ASIC2: variants seen among roughly 807,000 people sequenced by gnomAD.
ASIC2 encodes the protein acid sensing ion channel subunit 2, also known as acid-sensing ion channel 2.
Under a neutral mutation model 57.3 loss-of-function variants are expected in ASIC2, and 25 were observed. That is an observed-to-expected ratio of 0.44 (90% confidence interval 0.32 to 0.61). The LOEUF (loss-of-function observed/expected upper bound fraction) is 0.61, where lower values mean the gene tolerates loss of function less well. Among genes scored for constraint, ASIC2 ranks in the 20% least tolerant of loss-of-function variants. The pLI is 0.06. For synonymous variants in ASIC2, 319 were observed against 307.5 expected (o/e 1.04, Z -0.39); for missense variants, 641 against 738.1 (o/e 0.87, Z 1.52).
Position 33,520,321 on chromosome 17 carries a change from C to T in ASIC2, c.556-408254G>A, listed in dbSNP as rs77056454. ...AGTGGGGAAGCATGAAAATCACTCG[C>T]GAATTCATTCTTGTGTCTGCACCTG... On this transcript the variant is annotated intron_variant, in intron 1 of 9. Coordinates refer to the ASIC2 transcript ENST00000359872. Among the ~76,000 whole-genome samples the T allele has an allele frequency of 6.6e-5, 10 of 152,336 alleles. No individual in the cohort carries two copies. The East Asian group carries it at 9.7e-4, about 15-fold the overall frequency.
At chr17:33,552,667 C>G (rs1915788069) in intron 1 of ASIC2, among the ~76,000 whole-genome samples, 1 of 152,208 alleles carries the variant, frequency 6.6e-6, no homozygotes, top group African/African-American at 2.4e-5. Flanking sequence ...AACATCTCTT[C>G]TTGTTCATCA....
At chr17:33,724,169 G>T (rs568835918) in intron 1 of ASIC2, among the ~76,000 whole-genome samples, 2 of 152,068 alleles carry the variant, frequency 1.3e-5, no homozygotes, top group Non-Finnish European at 2.9e-5. Context: ...CTCTCTTGCC[G>T]GCTGCCATAT....
At chr17:33,357,380 T>C (rs1036025043) in intron 1 of ASIC2, among the ~76,000 whole-genome samples, 7 of 152,170 alleles carry the variant, frequency 4.6e-5, no homozygotes, top group African/African-American at 1.7e-4. Flanking sequence ...GGTAATAGAA[T>C]CTAAGTCTTC....
chr17:33,357,850 C>T (rs1199045933), intron 1 of ASIC2, among the ~76,000 whole-genome samples: 1 of 152,200 alleles, frequency 6.6e-6, no homozygotes, highest in East Asian at 1.9e-4. Context: ...CTAACCTGCT[C>T]TAATTAATAT....
intron 8 of ASIC2, among the ~76,000 whole-genome samples, chr17:33,017,260 C>T (rs1051799690): frequency 2.6e-5 from 4 of 152,186 alleles, no homozygotes; most frequent in African/African-American, 9.6e-5. Context: ...GAAGCCACCA[C>T]CTCCAGCCCA....
At chr17:33,375,034 GT>G (rs1909226370) in intron 1 of ASIC2, among the ~76,000 whole-genome samples, 1 of 152,112 alleles carries the variant, frequency 6.6e-6, no homozygotes. Context: ...AGAAATCTGA[GT>G]TTTTAAAATG....
intron 1 of ASIC2, among the ~76,000 whole-genome samples, chr17:33,463,136 C>T (rs146985773): frequency 1.8e-4 from 28 of 152,262 alleles, no homozygotes; most frequent in African/African-American, 6.3e-4. Context: ...GATTGTGGAT[C>T]CTTTCTAATG....
intron 1 of ASIC2, among the ~76,000 whole-genome samples, chr17:33,115,432 C>T (rs1266033093): frequency 6.6e-6 from 1 of 152,156 alleles, no homozygotes; most frequent in Non-Finnish European, 1.5e-5. Context: ...CCACTGGGGC[C>T]CTGTATGGTT....
intron 1 of ASIC2, among the ~76,000 whole-genome samples, chr17:33,972,646 C>T (rs1046462443): frequency 6.6e-6 from 1 of 152,198 alleles, no homozygotes; most frequent in African/African-American, 2.4e-5. Context: ...GTGTGAAAAG[C>T]TCAATTAGTT....
intron 1 of ASIC2, among the ~76,000 whole-genome samples, chr17:33,518,193 C>T (rs1914632573): frequency 6.6e-6 from 1 of 152,226 alleles, no homozygotes; most frequent in Non-Finnish European, 1.5e-5. Context: ...TCAATAACGC[C>T]TGAACTCTGT....
At chr17:33,296,773 C>T (rs1905736451), upstream of ASIC2, among the ~76,000 whole-genome samples, 1 of 152,196 alleles carries the variant, frequency 6.6e-6, no homozygotes, top group African/African-American at 2.4e-5. Flanking sequence ...TTTTGTAATA[C>T]AATTTTCAGA....
At chr17:34,006,239 A>AAT (rs1381855824) in intron 1 of ASIC2, 2 of 152,294 alleles carry the variant, frequency 1.3e-5, no homozygotes, top group Admixed American at 6.5e-5. Context: ...CCTCCAGCTG[A>AAT]AGAGCTGGGA....
chr17:33,855,632 C>T (rs1480490577), intron 1 of ASIC2, among the ~76,000 whole-genome samples: 1 of 151,934 alleles, frequency 6.6e-6, no homozygotes, highest in East Asian at 1.9e-4. Flanking sequence ...GATGATGATG[C>T]TGATGATGGG....
At position 33,731,778 on chromosome 17, in the gene ASIC2, G is replaced by T. The variant is rs1297067487; in HGVS notation, c.555+424200C>A. Among the ~76,000 whole-genome samples, 3 of 152,186 alleles carry T rather than the reference G, an allele frequency of 2.0e-5. No homozygotes were observed. The East Asian group carries it at 5.8e-4, about 29-fold the overall frequency. Reference sequence around the variant, plus strand: ...CTCCAGGAATCCTGGATAGCTGGATGCAGGTCTATCTCCTCTTCAATGTGC... The same window carrying T: ...CTCCAGGAATCCTGGATAGCTGGATTCAGGTCTATCTCCTCTTCAATGTGC... On this transcript the variant is annotated intron_variant, in intron 1 of 9. Transcript: ENST00000359872.
intron 1 of ASIC2, among the ~76,000 whole-genome samples, chr17:34,114,511 GC>G (rs1466986260): frequency 6.6e-6 from 1 of 152,172 alleles, no homozygotes; most frequent in Non-Finnish European, 1.5e-5. Context: ...ACCTGACTCT[GC>G]CACTCACTTG....
At chr17:33,592,311 G>C (rs1453789318) in intron 1 of ASIC2, among the ~76,000 whole-genome samples, 12 of 152,228 alleles carry the variant, frequency 7.9e-5, no homozygotes, top group Non-Finnish European at 1.5e-5. Flanking sequence ...TCTGTCCGAT[G>C]GTTAACTTAG....
At chr17:33,278,967 G>T (rs1298705457) in intron 1 of ASIC2, among the ~76,000 whole-genome samples, 2 of 152,144 alleles carry the variant, frequency 1.3e-5, no homozygotes, top group Non-Finnish European at 2.9e-5. Flanking sequence ...AAAGGAAAGG[G>T]TCATCAGAGG....
intron 1 of ASIC2, among the ~76,000 whole-genome samples, chr17:33,629,608 A>G (rs898276548): frequency 6.6e-6 from 1 of 152,214 alleles, no homozygotes; most frequent in Admixed American, 6.5e-5. Context: ...AAGGTAGACA[A>G]TATTTCCCTG....
chr17:34,144,283 T>A (rs1912355822), intron 1 of ASIC2, among the ~76,000 whole-genome samples: 1 of 152,198 alleles, frequency 6.6e-6, no homozygotes, highest in Non-Finnish European at 1.5e-5. Flanking sequence ...TTTTGTAAGC[T>A]ACACAATGAT....
Sources: gnomAD v4.1 joint callset for allele counts (sites outside exome capture counted in the v4.1 genomes callset) on GRCh38, gnomAD v4.1.1 for gene constraint, MANE v1.5 for transcripts, NCBI Gene and HGNC (gene_info 2026-07-23, HGNC 2026-07-21) for gene names.